The following ZSWIM8 variants were observed in gnomAD, a reference collection of about 807,000 sequenced individuals.
ZSWIM8 encodes zinc finger SWIM domain-containing protein 8.
In ZSWIM8, 27 loss-of-function variants were observed where a neutral mutation model predicts 173.7. The observed-to-expected ratio is 0.16, with a 90% CI of 0.11 to 0.21. The LOEUF (loss-of-function observed/expected upper bound fraction) is 0.21, where lower values mean the gene tolerates loss of function less well. Among genes scored for constraint, ZSWIM8 ranks in the 10% least tolerant of loss-of-function variants. The pLI is 1.00. For synonymous variants in ZSWIM8, 958 were observed against 962.0 expected (o/e 1.00, Z 0.08); for missense variants, 1,627 against 2,428.8 (o/e 0.67, Z 6.94).
chr10:73,787,314 T>TAC (rs1183006022), intron 1 of ZSWIM8, among the ~76,000 whole-genome samples: 2 of 152,176 alleles, frequency 1.3e-5, no homozygotes, highest in East Asian at 3.8e-4. Context: ...ATGGCCTGTG[T>TAC]ACACACACAC....
In ZSWIM8 at chr10:73,789,945, T is replaced by A; in HGVS notation, c.739-11T>A. 1 of 1,611,826 alleles carries A rather than the reference T, an allele frequency of 6.2e-7. No individual in the cohort carries two copies. The highest frequency in any genetic ancestry group is 8.5e-7 in the Non-Finnish European group (1 of 1,178,996). ...CCGTGTTCTGCCTGCCTCCGTCTCTTTCTCCCTCAGATCCTCCCCACAGCT... is the reference window on the plus strand; with the variant it reads ...CCGTGTTCTGCCTGCCTCCGTCTCTATCTCCCTCAGATCCTCCCCACAGCT... On this transcript the variant is annotated splice_polypyrimidine_tract_variant and intron_variant, in intron 5 of 25. Coordinates refer to ENST00000604729, the MANE Select transcript of ZSWIM8 (RefSeq NM_001367799.1). This position sits in a 1 kb window ranked among gnomAD's most constrained non-coding sequence, Gnocchi z 6.8.
chr10:73,791,849 G>A lies in ZSWIM8; in HGVS notation c.1320-10G>A, dbSNP rs1437444603. 6.7e-7 allele frequency: 1 copy of A among 1,500,576 alleles called. No individual in the cohort carries two copies. The allele number at this position is 1,500,576 out of a possible 1,614,324, so 93.0% of individuals were successfully genotyped here. A position where few individuals can be genotyped will look rare whatever the true frequency, so the allele number is the denominator to read the frequency against. On this transcript the variant is annotated splice_polypyrimidine_tract_variant and intron_variant, in intron 9 of 25. Transcript: ENST00000604729. The surrounding 1 kb of genome is among the most constrained non-coding windows in gnomAD (Gnocchi z 6.0). ...GCCCCTCAGCAGCCTCCTGCCCCTTGTTCCCACAGGCGCCGGGAACTGTGT... is the reference window on the plus strand; with the variant it reads ...GCCCCTCAGCAGCCTCCTGCCCCTTATTCCCACAGGCGCCGGGAACTGTGT...
At chr10:73,790,859 AT>A in intron 7 of ZSWIM8, 115 bp from the exon 8 acceptor site, 3 of 1,024,194 alleles carry the variant, frequency 2.9e-6, no homozygotes, top group Non-Finnish European at 4.2e-6. Flanking sequence ...AAAAAAAAAA[AT>A]TTTGTTACAG....
In ZSWIM8 at chr10:73,797,384, C is replaced by G; in HGVS notation, c.3441C>G (p.Ala1147=). 3 of 1,613,876 alleles carry G rather than the reference C, an allele frequency of 1.9e-6. No individual in the cohort carries two copies. In the South Asian group the frequency reaches 3.3e-5, roughly 18 times the overall value. Residue 1147 remains alanine (A), a synonymous_variant, in exon 18 of 26, where the codon GCC becomes GCG. Coordinates refer to ENST00000604729, the MANE Select transcript of ZSWIM8 (RefSeq NM_001367799.1). This position sits in a 1 kb window ranked among gnomAD's most constrained non-coding sequence, Gnocchi z 5.6. ...GRPKKKHTGM[A]SIDSSAPETT... Reference sequence around the variant, plus strand: ...ACTTCTCTTGGGGGTTAGGCATGGCCAGCATTGACAGCAGTGCCCCTGAAA... The same window carrying G: ...ACTTCTCTTGGGGGTTAGGCATGGCGAGCATTGACAGCAGTGCCCCTGAAA...
rs780718238 is a variant in ZSWIM8, at chr10:73,797,561, C to T, written c.3618C>T (p.Ala1206=). 1.2e-6 allele frequency: 2 copies of T among 1,613,984 alleles called. No homozygotes were observed. Among genetic ancestry groups the T allele is most frequent in the Non-Finnish European group, 1.7e-6 (2 of 1,179,866 alleles). The change falls in exon 18 of 26, where the codon GCC becomes GCT. Residue 1206 remains alanine, a synonymous_variant. Transcript: ENST00000604729. The surrounding 1 kb of genome is among the most constrained non-coding windows in gnomAD (Gnocchi z 5.6). Reference sequence around the variant, plus strand: ...CATCCTCCAGTGGAAGTCGCCGGGCCAGTGCCAGTGGAGGAGCCCGGGCGA... The same window carrying T: ...CATCCTCCAGTGGAAGTCGCCGGGCTAGTGCCAGTGGAGGAGCCCGGGCGA... ...GSSSSSGSRR[A]SASGGARAKT...
chr10:73,800,804 T>G lies in ZSWIM8; in HGVS notation c.5122+45T>G. On this transcript the variant is annotated intron_variant, in intron 24 of 25. Transcript: ENST00000604729. The surrounding 1 kb of genome is among the most constrained non-coding windows in gnomAD (Gnocchi z 4.1). ...GGACCATTGCCCCCCCCCCACCTGCTCTCCCCACCTTCCTTATCCCAGACC... is the reference window on the plus strand; with the variant it reads ...GGACCATTGCCCCCCCCCCACCTGCGCTCCCCACCTTCCTTATCCCAGACC... 1 of 1,223,878 alleles carries G rather than the reference T, an allele frequency of 8.2e-7. No homozygotes were observed. The highest frequency in any genetic ancestry group is 1.2e-6 in the Non-Finnish European group (1 of 859,998). The allele number at this position is 1,223,878 out of a possible 1,614,324, so 75.8% of individuals were successfully genotyped here.
chr10:73,792,932 C>T lies in ZSWIM8; in HGVS notation c.2313+80C>T. On this transcript the variant is annotated intron_variant, in intron 10 of 25. Transcript: ENST00000604729. This position sits in a 1 kb window ranked among gnomAD's most constrained non-coding sequence, Gnocchi z 4.3. ...GCTATCTAGCTCTAGTTGGGAGTGT[C>T]AGGACCATCAGCAGGATTGTGAGAA... The T allele has an allele frequency of 6.8e-7, 1 of 1,464,238 alleles. No homozygotes were observed. The highest frequency in any genetic ancestry group is 1.4e-5 in the South Asian group (1 of 73,248). The allele number at this position is 1,464,238 out of a possible 1,614,324, so 90.7% of individuals were successfully genotyped here.
chr10:73,796,924 A>C lies in ZSWIM8; in HGVS notation c.3184A>C (p.Thr1062Pro). Reference protein sequence around the residue: ...PSAPGALQPLTSGSAGPAQPG... With the variant: ...PSAPGALQPLPSGSAGPAQPG... ...TGCCCCAGGGGCCCTGCAACCACTG[A>C]CCTCAGGCTCTGCAGGGCCTGCTCA... Residue 1062 changes from threonine to proline, a missense_variant, in exon 16 of 26, where the codon ACC becomes CCC. Thr to Pro is a conservative substitution (Grantham distance 38, BLOSUM62 -1). Transcript: ENST00000604729. 1.9e-6 allele frequency: 3 copies of C among 1,613,996 alleles called. No individual in the cohort carries two copies. Among genetic ancestry groups the C allele is most frequent in the Non-Finnish European group, 2.5e-6 (3 of 1,179,880 alleles).
chr10:73,788,936 CAAGG>C (rs1194178532), intron 2 of ZSWIM8, 113 bp downstream of exon 2: 4 of 1,487,952 alleles, frequency 2.7e-6, no homozygotes, highest in East Asian at 2.4e-5. Context: ...AAGAGGAAGA[CAAGG>C]GAGGGATTGC....
In ZSWIM8 at chr10:73,800,598, A is replaced by C; in HGVS notation, c.5003-42A>C. On this transcript the variant is annotated intron_variant, in intron 23 of 25. Coordinates refer to ENST00000604729, the MANE Select transcript of ZSWIM8 (RefSeq NM_001367799.1). The surrounding 1 kb of genome is among the most constrained non-coding windows in gnomAD (Gnocchi z 4.1). ...TGACAGGTTGGGGTAAAGGGTGAAG[A>C]GGATACACCGTACCATGTGCCCACC... 1 of 1,609,322 alleles carries C rather than the reference A, an allele frequency of 6.2e-7. No individual in the cohort carries two copies. Among genetic ancestry groups the C allele is most frequent in the Middle Eastern group, 1.7e-4 (1 of 6,034 alleles).
At position 73,800,714 on chromosome 10, in the gene ZSWIM8, T is replaced by A; in HGVS notation, c.5077T>A (p.Tyr1693Asn). 1 of 1,612,638 alleles carries A rather than the reference T, an allele frequency of 6.2e-7. No individual in the cohort carries two copies. The highest frequency in any genetic ancestry group is 8.5e-7 in the Non-Finnish European group (1 of 1,179,344). Reference protein sequence around the residue: ...HPNNFSRSPPYTDDVKWLLGL... With the variant: ...HPNNFSRSPPNTDDVKWLLGL... ...CAACAACTTCTCCCGCTCCCCCCCC[T>A]ACACTGATGATGTCAAATGGTTGCT... is the stretch of plus-strand genomic sequence containing the variant. Residue 1693 changes from tyrosine to asparagine, a missense_variant, in exon 24 of 26, where the codon TAC becomes AAC. Coordinates refer to ENST00000604729, the MANE Select transcript of ZSWIM8 (RefSeq NM_001367799.1). This position sits in a 1 kb window ranked among gnomAD's most constrained non-coding sequence, Gnocchi z 4.1.
At position 73,801,253 on chromosome 10, in the gene ZSWIM8, A is replaced by T; in HGVS notation, c.5301+58A>T. On this transcript the variant is annotated intron_variant, in intron 25 of 25. Coordinates refer to ENST00000604729, the MANE Select transcript of ZSWIM8 (RefSeq NM_001367799.1). The surrounding 1 kb of genome is among the most constrained non-coding windows in gnomAD (Gnocchi z 4.9). The stretch of plus-strand genomic sequence containing the variant: ...CACTTCCTGGGTGGTCTTGGACCAG[A>T]GGGAGGCAGGGCCTGTTTCTGTGCT... 1.9e-6 allele frequency: 3 copies of T among 1,603,834 alleles called. No homozygotes were observed. In the South Asian group the frequency reaches 3.3e-5, roughly 18 times the overall value.
Position 73,792,925 on chromosome 10 carries a change from G to A in ZSWIM8, c.2313+73G>A. On this transcript the variant is annotated intron_variant, in intron 10 of 25. Transcript: ENST00000604729. This position sits in a 1 kb window ranked among gnomAD's most constrained non-coding sequence, Gnocchi z 4.3. Reference sequence around the variant, plus strand: ...GGGAGGGGCTATCTAGCTCTAGTTGGGAGTGTCAGGACCATCAGCAGGATT... The same window carrying A: ...GGGAGGGGCTATCTAGCTCTAGTTGAGAGTGTCAGGACCATCAGCAGGATT... 1 of 1,479,592 alleles carries A rather than the reference G, an allele frequency of 6.8e-7. No homozygotes were observed. Among genetic ancestry groups the A allele is most frequent in the Non-Finnish European group, 9.0e-7 (1 of 1,115,584 alleles). The allele number at this position is 1,479,592 out of a possible 1,614,324, so 91.7% of individuals were successfully genotyped here.
At position 73,799,360 on chromosome 10, in the gene ZSWIM8, C is replaced by A; in HGVS notation, c.4535C>A (p.Pro1512His). The change falls in exon 21 of 26, where the codon CCC becomes CAC. Residue 1512 changes from proline (P) to histidine (H), a missense_variant. Physicochemically the swap from Pro to His is moderately conservative, Grantham distance 77. Coordinates refer to ENST00000604729, the MANE Select transcript of ZSWIM8 (RefSeq NM_001367799.1). ...CATGGCCACTCCCCTGGCCTGCACC[C>A]CTACACTGCTCTACAGCCCCACCTG... The part of the protein sequence containing the change: ...LGHGHSPGLH[P>H]YTALQPHLPC... 1 of 1,611,854 alleles carries A rather than the reference C, an allele frequency of 6.2e-7. No homozygotes were observed. The highest frequency in any genetic ancestry group is 2.2e-5 in the East Asian group (1 of 44,730).
Position 73,799,332 on chromosome 10 carries a change from G to C in ZSWIM8, c.4507G>C (p.Gly1503Arg), listed in dbSNP as rs894234083. ...TAGTTTATACCCGGGTCCAGGACTG[G>C]GGCATGGCCACTCCCCTGGCCTGCA... ...GSSLYPGPGL[G>R]HGHSPGLHPY... The change falls in exon 21 of 26, where the codon GGG becomes CGG. Residue 1503 changes from glycine to arginine, a missense_variant. Physicochemically the swap from Gly to Arg is moderately radical, Grantham distance 125. This residue lies in a region of ZSWIM8 where 275 missense variants were observed against 290.1 expected (regional missense o/e 0.95). Transcript: ENST00000604729. The C allele has an allele frequency of 6.2e-7, 1 of 1,610,026 alleles. No individual in the cohort carries two copies. Among genetic ancestry groups the C allele is most frequent in the Non-Finnish European group, 8.5e-7 (1 of 1,178,380 alleles).
rs761410027 is a variant in ZSWIM8 at position 73,800,369 on chromosome 10, C to A, written c.4899C>A (p.Pro1633=). The A allele has an allele frequency of 6.2e-7, 1 of 1,613,968 alleles. No individual in the cohort carries two copies. The highest frequency in any genetic ancestry group is 8.5e-7 in the Non-Finnish European group (1 of 1,179,872). The stretch of plus-strand genomic sequence containing the variant: ...CACTGCCTGCCCTGACCACACAGCC[C>A]AGCCCTCTGGTGAGCGGAGGTTTTC... ...GASLPALTTQ[P]SPLVSGGFPP... The change falls in exon 23 of 26, where the codon CCC becomes CCA. Residue 1633 remains proline, a synonymous_variant. Transcript: ENST00000604729. The surrounding 1 kb of genome is among the most constrained non-coding windows in gnomAD (Gnocchi z 4.1).
Position 73,797,482 on chromosome 10 carries a change from G to A in ZSWIM8, c.3539G>A (p.Arg1180Gln), listed in dbSNP as rs1051870578. 2 of 1,613,852 alleles carry A rather than the reference G, an allele frequency of 1.2e-6. No homozygotes were observed. The highest frequency in any genetic ancestry group is 1.7e-6 in the Non-Finnish European group (2 of 1,179,874). Residue 1180 changes from arginine to glutamine, a missense_variant, in exon 18 of 26, where the codon CGA becomes CAA. By Grantham distance (43) the Arg-to-Gln change is conservative. Coordinates refer to ENST00000604729, the MANE Select transcript of ZSWIM8 (RefSeq NM_001367799.1). The surrounding 1 kb of genome is among the most constrained non-coding windows in gnomAD (Gnocchi z 5.6). ...GGCTGGGCCCCCACCTCCTGGGGTC[G>A]AGGTCAGGACAGTGACAGCATTAGC... ...RGGWAPTSWGRGQDSDSISSS... is the reference protein window; with the variant it reads ...RGGWAPTSWGQGQDSDSISSS...
Position 73,794,236 on chromosome 10 carries a change from G to C in ZSWIM8, c.2715G>C (p.Arg905=). 1 of 1,614,006 alleles carries C rather than the reference G, an allele frequency of 6.2e-7. No homozygotes were observed. Among genetic ancestry groups the C allele is most frequent in the East Asian group, 2.2e-5 (1 of 44,890 alleles). ...GPSEMSTMRC[R]AEELREGTLC... Reference sequence around the variant, plus strand: ...GTGAGATGAGTACCATGCGGTGCCGGGCAGAGGAACTTCGGGAGGGGACAC... The same window carrying C: ...GTGAGATGAGTACCATGCGGTGCCGCGCAGAGGAACTTCGGGAGGGGACAC... The change falls in exon 13 of 26, where the codon CGG becomes CGC. Residue 905 remains arginine (R), a synonymous_variant. Coordinates refer to ENST00000604729, the MANE Select transcript of ZSWIM8 (RefSeq NM_001367799.1).
chr10:73,799,885 C>G, intron 21 of ZSWIM8, 126 bp from the exon 22 acceptor site: 1 of 971,126 alleles, frequency 1.0e-6, no homozygotes, highest in Non-Finnish European at 1.5e-6. Flanking sequence ...TGCACTCCAG[C>G]CTGGAGGACA....
Sources: gnomAD v4.1 joint callset for allele counts (sites outside exome capture counted in the v4.1 genomes callset) on GRCh38, gnomAD v4.1.1 for gene constraint, gnomAD v4.1.1 regional missense constraint, Gnocchi (gnomAD v3.1) non-coding constraint, MANE v1.5 for transcripts, NCBI Gene and HGNC (gene_info 2026-07-23, HGNC 2026-07-21) for gene names.